SLC9A8: variants seen among roughly 807,000 people sequenced by gnomAD.
The protein encoded by SLC9A8 is sodium/hydrogen exchanger 8.
Under a neutral mutation model 66.6 loss-of-function variants are expected in SLC9A8, and 48 were observed. The observed-to-expected ratio is 0.72, with a 90% CI of 0.57 to 0.92. The LOEUF is 0.92. SLC9A8 is among the 40% of genes least tolerant of loss of function. The pLI, the probability that SLC9A8 is intolerant of heterozygous loss-of-function variation, is 0.00. For synonymous variants in SLC9A8, 274 were observed against 282.6 expected (o/e 0.97, Z 0.31); for missense variants, 599 against 747.3 (o/e 0.80, Z 2.31).
intron 8 of SLC9A8, among the ~76,000 whole-genome samples, chr20:49,861,586 C>T (rs564215210): frequency 9.2e-5 from 14 of 151,768 alleles, no homozygotes; most frequent in Admixed American, 7.2e-4. Context: ...GAGTGGACAA[C>T]GGGGTTGGTC....
At chr20:49,842,669 T>A (rs2087815633) in intron 4 of SLC9A8, among the ~76,000 whole-genome samples, 1 of 152,140 alleles carries the variant, frequency 6.6e-6, no homozygotes, top group Admixed American at 6.5e-5. Context: ...CCTCAGAACA[T>A]TTTGGGGGAG....
At chr20:49,820,002 T>C (rs2086676761) in intron 2 of SLC9A8, among the ~76,000 whole-genome samples, 1 of 152,236 alleles carries the variant, frequency 6.6e-6, no homozygotes, top group Non-Finnish European at 1.5e-5. Flanking sequence ...TGTGAACATT[T>C]GTGTATAGGC....
chr20:49,884,227 CACACACACACACACG>C (rs2089751544), intron 14 of SLC9A8, 161 bp downstream of exon 14: 32 of 216,408 alleles, frequency 1.5e-4, no homozygotes, highest in Admixed American at 2.6e-4. Flanking sequence ...CACACACACA[CACACACACACACACG>C]ACACACACAC....
chr20:49,831,008 A>T, intron 3 of SLC9A8: 1 of 744,836 alleles, frequency 1.3e-6, no homozygotes, highest in Non-Finnish European at 2.5e-6. Flanking sequence ...AGCTGCAGCC[A>T]ACCAGGTGTA....
chr20:49,874,186 A>G (rs2089329180), intron 10 of SLC9A8, among the ~76,000 whole-genome samples: 2 of 126,802 alleles, frequency 1.6e-5, no homozygotes. Context: ...CCTGGGAGGC[A>G]GAGGTTGCAG....
At position 49,891,037 on chromosome 20, in the gene SLC9A8, G is replaced by A. The variant is rs1336277093; in HGVS notation, c.*3101G>A. ...TGTTCCCGCAGGGCGCACATGCTTG[G>A]AGAGTCCTCAGCAGGGTAGCCGAGG... On this transcript the variant is annotated 3_prime_UTR_variant, in exon 16 of 16. Transcript: ENST00000361573. The A allele has an allele frequency of 1.3e-5, 2 of 152,388 alleles. No individual in the cohort carries two copies. The highest frequency in any genetic ancestry group is 2.4e-5 in the African/African-American group (1 of 41,478). The allele number at this position is 152,388 out of a possible 1,614,324, so 9.4% of individuals were successfully genotyped here. A position where few individuals can be genotyped will look rare whatever the true frequency, so the allele number is the denominator to read the frequency against.
intron 3 of SLC9A8, chr20:49,830,975 G>A (rs2087155959): frequency 1.3e-6 from 1 of 765,094 alleles, no homozygotes; most frequent in South Asian, 1.3e-5. Context: ...GGGCAATGCG[G>A]TCAACTCTCT....
intron 10 of SLC9A8, among the ~76,000 whole-genome samples, chr20:49,871,968 GTAGAC>G (rs2089225313): frequency 2.6e-5 from 4 of 152,218 alleles, no homozygotes; most frequent in African/African-American, 4.8e-5. Context: ...GTCAGCCTTT[GTAGAC>G]AGGCTGAGCC....
In SLC9A8 at chr20:49,890,616, C is replaced by T. The variant is rs1273838763; in HGVS notation, c.*2680C>T. The T allele has an allele frequency of 1.3e-5, 2 of 152,242 alleles. No individual in the cohort carries two copies. Among genetic ancestry groups the T allele is most frequent in the East Asian group, 3.9e-4 (2 of 5,190 alleles). 9.4% of individuals were successfully genotyped at this position (152,242 alleles called of 1,614,324 possible). A position where few individuals can be genotyped will look rare whatever the true frequency, so the allele number is the denominator to read the frequency against. On this transcript the variant is annotated 3_prime_UTR_variant, in exon 16 of 16. Transcript: ENST00000361573. ...TCTGCAGCCTGTAGTTGTTATGACCCCTCGGAACAACCACCCCGTGGCTTG... is the reference window on the plus strand; with the variant it reads ...TCTGCAGCCTGTAGTTGTTATGACCTCTCGGAACAACCACCCCGTGGCTTG...
rs148523055 is a variant in SLC9A8, at chr20:49,864,527, C to G, written c.853-212C>G. Among the ~76,000 whole-genome samples the G allele has an allele frequency of 6.7e-4, 102 of 152,316 alleles. 2 individuals are homozygous for G. In the East Asian group the frequency reaches 0.019, roughly 28 times the overall value. ...CCATTTATCTCCGGAATTTACATTT[C>G]TTAGTGTTTTGTCAGATTCCCTTTC... is the stretch of plus-strand genomic sequence containing the variant. On this transcript the variant is annotated intron_variant, in intron 9 of 15. Coordinates refer to ENST00000361573, the MANE Select transcript of SLC9A8 (RefSeq NM_015266.3).
chr20:49,834,403 G>GTATATATATATATATAC (rs1204668726), intron 3 of SLC9A8, among the ~76,000 whole-genome samples: 1 of 44,552 alleles, frequency 2.2e-5, no homozygotes, highest in South Asian at 4.9e-4. Flanking sequence ...TATATATACT[G>GTATATATATATATATAC]TGTATATATA....
chr20:49,823,072 A>G lies in SLC9A8; in HGVS notation c.220A>G (p.Ile74Val), dbSNP rs1222007319. Reference protein sequence around the residue: ...FSLLVLAICIILVHLLIRYRL... With the variant: ...FSLLVLAICIVLVHLLIRYRL... ...TTTTTTTTCCACAGCTATCTGCATC[A>G]TATTGGTGCATTTACTGATCCGATA... Residue 74 changes from isoleucine (I) to valine (V), a missense_variant, in exon 3 of 16, where the codon ATA (isoleucine) becomes GTA (valine). Ile to Val is a conservative substitution (Grantham distance 29). This residue lies in a region of SLC9A8 where 132 missense variants were observed against 120.9 expected (regional missense o/e 1.09). Coordinates refer to ENST00000361573, the MANE Select transcript of SLC9A8 (RefSeq NM_015266.3). 6 of 1,611,474 alleles carry G rather than the reference A, an allele frequency of 3.7e-6. No individual in the cohort carries two copies. Among genetic ancestry groups the G allele is most frequent in the African/African-American group, 2.7e-5 (2 of 74,708 alleles).
At chr20:49,862,808 A>T in intron 8 of SLC9A8, 121 bp from the exon 9 acceptor site, 1 of 776,438 alleles carries the variant, frequency 1.3e-6, no homozygotes, top group Non-Finnish European at 1.9e-6. Context: ...GGCTGACTGA[A>T]TGAATGATGG....
intron 7 of SLC9A8, among the ~76,000 whole-genome samples, chr20:49,851,402 G>A: frequency 6.6e-6 from 1 of 152,216 alleles, no homozygotes; most frequent in East Asian, 1.9e-4. Flanking sequence ...AACCTCACTA[G>A]GTTGAGGCAG....
At chr20:49,865,780 G>C (rs1042585191) in intron 10 of SLC9A8, among the ~76,000 whole-genome samples, 1 of 152,314 alleles carries the variant, frequency 6.6e-6, no homozygotes, top group South Asian at 2.1e-4. Context: ...TGAAAATGGA[G>C]CGTGACTCAC....
At position 49,855,585 on chromosome 20, in the gene SLC9A8, A is replaced by T; in HGVS notation, c.713+4A>T. 6.2e-7 allele frequency: 1 copy of T among 1,613,770 alleles called. No homozygotes were observed. Among genetic ancestry groups the T allele is most frequent in the Non-Finnish European group, 8.5e-7 (1 of 1,179,808 alleles). On this transcript the variant is annotated splice_donor_region_variant and intron_variant, in intron 8 of 15. Transcript: ENST00000361573. ...CAGTCTCCATTGTTCTGACCAAGTA[A>T]GTACGGGGGCAGAGAACAGACTTTT...
intron 3 of SLC9A8, among the ~76,000 whole-genome samples, chr20:49,837,701 C>G (rs1234813019): frequency 2.0e-5 from 3 of 152,082 alleles, no homozygotes; most frequent in Non-Finnish European, 4.4e-5. Context: ...TCCTGAATAG[C>G]TAGGATTAGA....
chr20:49,855,224 G>T (rs1368397312), intron 7 of SLC9A8, among the ~76,000 whole-genome samples: 2 of 152,152 alleles, frequency 1.3e-5, no homozygotes, highest in Non-Finnish European at 2.9e-5. Context: ...TAGAAAACCA[G>T]GCCATTCCTA....
intron 11 of SLC9A8, 62 bp downstream of exon 11, chr20:49,874,883 C>A: frequency 8.5e-7 from 1 of 1,169,734 alleles, no homozygotes; most frequent in Non-Finnish European, 1.3e-6. Flanking sequence ...GCTTCCTTAT[C>A]CTGTTTGAGA....
Sources: gnomAD v4.1 joint callset for allele counts (sites outside exome capture counted in the v4.1 genomes callset) on GRCh38, gnomAD v4.1.1 for gene constraint, gnomAD v4.1.1 regional missense constraint, MANE v1.5 for transcripts, NCBI Gene and HGNC (gene_info 2026-07-23, HGNC 2026-07-21) for gene names.